LANCL3: variants seen among roughly 807,000 people sequenced by gnomAD.
The protein encoded by LANCL3 is lanC-like protein 3.
Under a neutral mutation model 26.5 loss-of-function variants are expected in LANCL3, and 19 were observed. That is an observed-to-expected ratio of 0.72 (90% CI 0.50 to 1.05). The LOEUF (loss-of-function observed/expected upper bound fraction) is 1.05, where lower values mean the gene tolerates loss of function less well. Ranked by LOEUF, LANCL3 falls within the 50% of genes least tolerant of loss-of-function variation. LANCL3 has a pLI of 0.00. For synonymous variants in LANCL3, 160 were observed against 166.6 expected (o/e 0.96, Z 0.30); for missense variants, 318 against 362.7 (o/e 0.88, Z 1.00).
chrX:37,603,105 G>T (rs1481827633), intron 1 of LANCL3, among the ~76,000 whole-genome samples: 1 of 112,189 alleles, frequency 8.9e-6, no homozygotes, highest in Non-Finnish European at 1.9e-5. Context: ...AAAGATATAG[G>T]TGGGCCATTT....
chrX:37,640,251 C>A (rs1440997006), intron 1 of LANCL3, among the ~76,000 whole-genome samples: 1 of 111,846 alleles, frequency 8.9e-6, no homozygotes, highest in Non-Finnish European at 1.9e-5. Context: ...TTGCACATGG[C>A]TGGGGAGGCC....
chrX:37,668,958 T>G (rs1467723250), intron 4 of LANCL3, among the ~76,000 whole-genome samples: 1 of 112,216 alleles, frequency 8.9e-6, no homozygotes, highest in Non-Finnish European at 1.9e-5. Context: ...CTCATAGGGA[T>G]GTTTGGTAGT....
At chrX:37,579,492 G>T (rs1198522966) in intron 1 of LANCL3, among the ~76,000 whole-genome samples, 25 of 111,407 alleles carry the variant, frequency 2.2e-4, no homozygotes, top group African/African-American at 8.2e-4. Context: ...GATGATTCAT[G>T]CCCCAGGTGG....
rs903387707 is a variant in LANCL3, at chrX:37,677,532, C to T, written c.*1719C>T. 5 of 112,053 alleles carry T rather than the reference C, an allele frequency of 4.5e-5. No homozygotes were observed. Among genetic ancestry groups the T allele is most frequent in the South Asian group, 3.7e-4 (1 of 2,703 alleles). The allele number at this position is 112,053 out of a possible 1,213,427, so 9.2% of individuals were successfully genotyped here. A position where few individuals can be genotyped will look rare whatever the true frequency, so the allele number is the denominator to read the frequency against. The stretch of plus-strand genomic sequence containing the variant: ...TCAGCTTCCTGTTTCATTTTTACAT[C>T]CTCAGATACAACCATATCAAATTGG... On this transcript the variant is annotated 3_prime_UTR_variant, in exon 5 of 5. Coordinates refer to ENST00000378619, the MANE Select transcript of LANCL3 (RefSeq NM_001170331.2).
intron 1 of LANCL3, among the ~76,000 whole-genome samples, chrX:37,621,743 C>G (rs1556422283): frequency 9.0e-6 from 1 of 111,654 alleles, no homozygotes; most frequent in African/African-American, 3.3e-5. Flanking sequence ...TCCAAGTGGC[C>G]CACCTTAGTT....
At chrX:37,632,861 A>T (rs781936404) in intron 1 of LANCL3, among the ~76,000 whole-genome samples, 9,104 of 111,002 alleles carry the variant, frequency 0.082, 953 homozygotes, top group African/African-American at 0.28. Context: ...GGGTAACCCG[A>T]CCTTTCTCTC....
intron 1 of LANCL3, among the ~76,000 whole-genome samples, chrX:37,589,035 G>A (rs781808386): frequency 3.8e-4 from 43 of 111,983 alleles, no homozygotes; most frequent in Non-Finnish European, 6.8e-4. Flanking sequence ...CTTTAGGAAG[G>A]AGACACAGTC....
intron 1 of LANCL3, among the ~76,000 whole-genome samples, chrX:37,633,002 C>A (rs1371401460): frequency 9.0e-6 from 1 of 111,649 alleles, no homozygotes; most frequent in Non-Finnish European, 1.9e-5. Flanking sequence ...TGTTGGCCTG[C>A]CTTGCTAGAT....
At chrX:37,649,110 A>G (rs1926061536) in intron 1 of LANCL3, among the ~76,000 whole-genome samples, 1 of 111,887 alleles carries the variant, frequency 8.9e-6, no homozygotes, top group African/African-American at 3.3e-5. Context: ...CTGGGTATAT[A>G]CCCAAAGGAA....
chrX:37,583,514 C>T (rs1556417372), intron 1 of LANCL3, among the ~76,000 whole-genome samples: 1 of 111,470 alleles, frequency 9.0e-6, no homozygotes, highest in African/African-American at 3.3e-5. Context: ...TTGTAGTTCT[C>T]CTTGAAGAGG....
chrX:37,673,793 T>C (rs1181696030), intron 4 of LANCL3, among the ~76,000 whole-genome samples: 2 of 111,346 alleles, frequency 1.8e-5, no homozygotes, highest in Non-Finnish European at 1.9e-5. Flanking sequence ...TTTAATAACA[T>C]GTAATAATGC....
chrX:37,659,371 T>C (rs1926360553), intron 2 of LANCL3, 91 bp from the exon 3 acceptor site: 1 of 663,246 alleles, frequency 1.5e-6, no homozygotes, highest in Non-Finnish European at 2.3e-6. Context: ...TAATATTGGC[T>C]TTATTGTTTT....
intron 1 of LANCL3, among the ~76,000 whole-genome samples, chrX:37,585,315 C>A (rs782215186): frequency 9.0e-6 from 1 of 111,477 alleles, no homozygotes; most frequent in South Asian, 3.8e-4. Flanking sequence ...ATTAGGTCTG[C>A]TTGGTGCAGA....
In LANCL3 at chrX:37,572,014, C is replaced by T; in HGVS notation, c.144C>T (p.Gly48=). ...ILQELPPLGG[G]AEARGATAGA... is the part of the protein sequence containing the mutation. ...AGGAGCTTCCCCCACTCGGGGGCGG[C>T]GCGGAGGCCCGAGGGGCGACGGCGG... The change falls in exon 1 of 5, where the codon GGC becomes GGT. Residue 48 remains glycine (G), a synonymous_variant. Transcript: ENST00000378619. The T allele has an allele frequency of 8.4e-7, 1 of 1,184,975 alleles. No homozygotes were observed. Among genetic ancestry groups the T allele is most frequent in the Non-Finnish European group, 1.1e-6 (1 of 882,376 alleles).
At chrX:37,637,828 C>T (rs781876210) in intron 1 of LANCL3, among the ~76,000 whole-genome samples, 10 of 110,927 alleles carry the variant, frequency 9.0e-5, no homozygotes, top group African/African-American at 3.3e-4. Context: ...TGTGAAGTTT[C>T]GTCCTACTTC....
At chrX:37,644,532 C>A (rs959248511) in intron 1 of LANCL3, among the ~76,000 whole-genome samples, 1 of 111,616 alleles carries the variant, frequency 9.0e-6, no homozygotes, top group African/African-American at 3.3e-5. Flanking sequence ...TAGCTTCCCA[C>A]AATGTGCATT....
At chrX:37,640,759 C>T (rs183703390) in intron 1 of LANCL3, among the ~76,000 whole-genome samples, 34 of 111,792 alleles carry the variant, frequency 3.0e-4, no homozygotes, top group African/African-American at 1.1e-3. Flanking sequence ...CCATTTGAAA[C>T]TTGTCAAAGA....
At chrX:37,661,351 C>T (rs782098875) in intron 3 of LANCL3, among the ~76,000 whole-genome samples, 33 of 111,914 alleles carry the variant, frequency 2.9e-4, no homozygotes, top group African/African-American at 1.1e-3. Flanking sequence ...CGTAACAGTG[C>T]AGCATAGGAT....
intron 1 of LANCL3, among the ~76,000 whole-genome samples, chrX:37,579,099 A>G (rs1402024514): frequency 4.5e-5 from 5 of 110,583 alleles, no homozygotes; most frequent in Non-Finnish European, 9.4e-5. Flanking sequence ...ATCATATTAT[A>G]CATATATTAC....
Sources: gnomAD v4.1 joint callset for allele counts (sites outside exome capture counted in the v4.1 genomes callset) on GRCh38, gnomAD v4.1.1 for gene constraint, MANE v1.5 for transcripts, NCBI Gene and HGNC (gene_info 2026-07-23, HGNC 2026-07-21) for gene names.